Variants in FGF14 observed in about 807,000 individuals in gnomAD.
FGF14 encodes fibroblast growth factor homologous factor 4.
FGF14 carries 5 observed loss-of-function variants against 25.5 expected under a neutral mutation model. That is an observed-to-expected ratio of 0.20 (90% CI 0.10 to 0.41). FGF14 has a LOEUF of 0.41. Among genes scored for constraint, FGF14 ranks in the 10% least tolerant of loss-of-function variants. The pLI, the probability that FGF14 is intolerant of heterozygous loss-of-function variation, is 1.00. For missense variants in FGF14, 222 were observed against 320.1 expected, an observed-to-expected ratio of 0.69 and a Z score of 2.34; for synonymous variants, 138 against 118.3, an observed-to-expected ratio of 1.17 and a Z score of -1.08.
intron 1 of FGF14, among the ~76,000 whole-genome samples, chr13:102,378,347 A>T (rs2058089331): frequency 6.6e-6 from 1 of 152,178 alleles, no homozygotes; most frequent in Admixed American, 6.6e-5. Context: ...TTCACTGTAA[A>T]CCAAAAACTG....
intron 1 of FGF14, among the ~76,000 whole-genome samples, chr13:102,026,558 T>C (rs2040938968): frequency 6.6e-6 from 1 of 152,006 alleles, no homozygotes; most frequent in African/African-American, 2.4e-5. Context: ...CTTTTGGTCA[T>C]TTTACTTTTC....
chr13:102,042,371 G>C (rs1219224698), intron 1 of FGF14, among the ~76,000 whole-genome samples: 1 of 152,114 alleles, frequency 6.6e-6, no homozygotes, highest in African/African-American at 2.4e-5. Flanking sequence ...CTGCAGTCTA[G>C]CTCAGTGAAT....
chr13:101,793,588 A>C (rs1340768710), intron 3 of FGF14, among the ~76,000 whole-genome samples: 1 of 152,076 alleles, frequency 6.6e-6, no homozygotes, highest in South Asian at 2.1e-4. Flanking sequence ...CTTTTAGGTA[A>C]ATACCCAGAA....
intron 1 of FGF14, among the ~76,000 whole-genome samples, chr13:102,299,483 C>T (rs142020206): frequency 2.6e-5 from 4 of 152,148 alleles, no homozygotes; most frequent in East Asian, 1.9e-4. Flanking sequence ...GTTTCCATTA[C>T]GATCATACTA....
At chr13:102,308,253 G>A (rs79275760) in intron 1 of FGF14, among the ~76,000 whole-genome samples, 3,383 of 152,198 alleles carry the variant, frequency 0.022, 134 homozygotes, top group African/African-American at 0.077. Flanking sequence ...GGACAACTGA[G>A]GATATTTGTG....
At chr13:102,042,561 C>T (rs1260199945) in intron 1 of FGF14, among the ~76,000 whole-genome samples, 2 of 152,082 alleles carry the variant, frequency 1.3e-5, no homozygotes, top group Non-Finnish European at 2.9e-5. Context: ...ATAGTAGATG[C>T]TCAAAGCCAA....
At chr13:102,289,829 C>T (rs1472484049) in intron 1 of FGF14, among the ~76,000 whole-genome samples, 1 of 152,102 alleles carries the variant, frequency 6.6e-6, no homozygotes, top group Non-Finnish European at 1.5e-5. Context: ...TTATGGTTCT[C>T]TTAATACCAT....
chr13:102,352,550 C>A (rs1312512845), intron 1 of FGF14, among the ~76,000 whole-genome samples: 1 of 152,120 alleles, frequency 6.6e-6, no homozygotes, highest in African/African-American at 2.4e-5. Context: ...CGGTGGCTCA[C>A]GCCTGTAATC....
intron 1 of FGF14, among the ~76,000 whole-genome samples, chr13:102,370,936 C>CA (rs34438270): frequency 0.011 from 1,419 of 130,330 alleles, 15 homozygotes; most frequent in African/African-American, 0.03. Context: ...TTCCGCATAC[C>CA]AAAAAAAAAA....
In FGF14 at chr13:102,072,097, A is replaced by G. The variant is rs867898959; in HGVS notation, c.209-196801T>C. 3.0e-4 allele frequency among the ~76,000 whole-genome samples: 46 copies of G among 152,382 alleles called. 1 individual carries two copies. Among genetic ancestry groups the G allele is most frequent in the Middle Eastern group, 3.4e-3 (1 of 294 alleles). On this transcript the variant is annotated intron_variant, in intron 1 of 4. Transcript: ENST00000376131. ...GTGATAAAGCCTTACATAAGGATGC[A>G]AGTAAATACGGTATTTGTGAAAGAA...
chr13:102,099,037 A>G (rs999992455), intron 1 of FGF14, among the ~76,000 whole-genome samples: 6 of 152,172 alleles, frequency 3.9e-5, no homozygotes, highest in South Asian at 2.1e-4. Context: ...AGAAAAGGAT[A>G]TAACAGTGAG....
At chr13:101,960,755 G>A (rs1038944694) in intron 1 of FGF14, among the ~76,000 whole-genome samples, 2 of 152,124 alleles carry the variant, frequency 1.3e-5, no homozygotes, top group Non-Finnish European at 2.9e-5. Context: ...CTAGGTCTTT[G>A]GGGAATCACC....
intron 3 of FGF14, among the ~76,000 whole-genome samples, chr13:101,764,046 A>G (rs1415989959): frequency 1.3e-5 from 2 of 152,160 alleles, no homozygotes; most frequent in Non-Finnish European, 2.9e-5. Flanking sequence ...ACAGCAGCTG[A>G]CCAAAGTGGC....
At chr13:102,197,571 T>C (rs934877876) in intron 1 of FGF14, among the ~76,000 whole-genome samples, 1 of 152,092 alleles carries the variant, frequency 6.6e-6, no homozygotes, top group South Asian at 2.1e-4. Flanking sequence ...TCTCAATTCC[T>C]TTAAAATAAA....
chr13:101,859,459 C>T (rs754671085), intron 3 of FGF14, among the ~76,000 whole-genome samples: 3 of 151,892 alleles, frequency 2.0e-5, no homozygotes, highest in Non-Finnish European at 2.9e-5. Flanking sequence ...TTGAAGTCTT[C>T]GCACATGTTG....
At chr13:102,284,700 C>T (rs1434670701) in intron 1 of FGF14, among the ~76,000 whole-genome samples, 3 of 151,990 alleles carry the variant, frequency 2.0e-5, no homozygotes, top group African/African-American at 7.2e-5. Context: ...ATAATAGAAA[C>T]ACAAAACTAA....
chr13:102,228,803 T>C (rs1003420144), intron 1 of FGF14, among the ~76,000 whole-genome samples: 3 of 152,232 alleles, frequency 2.0e-5, no homozygotes, highest in Admixed American at 6.5e-5. Context: ...AGTTCTGCTA[T>C]ACTGTCTTCT....
At chr13:101,740,020 T>C (rs1176869297) in intron 3 of FGF14, among the ~76,000 whole-genome samples, 1 of 152,218 alleles carries the variant, frequency 6.6e-6, no homozygotes, top group Non-Finnish European at 1.5e-5. Context: ...TGCTCTGTTC[T>C]GTTTCACTCT....
At chr13:102,006,893 C>T (rs1238494924) in intron 1 of FGF14, among the ~76,000 whole-genome samples, 2 of 150,350 alleles carry the variant, frequency 1.3e-5, no homozygotes, top group Non-Finnish European at 3.0e-5. Flanking sequence ...TACAGGCGCC[C>T]GCCACCGCGC....
Sources: allele counts gnomAD v4.1 joint callset (sites outside exome capture counted in the v4.1 genomes callset), GRCh38; gene constraint gnomAD v4.1.1; transcripts MANE v1.5; gene names NCBI Gene and HGNC (gene_info 2026-07-23, HGNC 2026-07-21).